The following SNRPN variants were observed in gnomAD, a reference collection of about 807,000 sequenced individuals.
The protein encoded by SNRPN is small nuclear ribonucleoprotein polypeptide N.
SNRPN carries 7 observed loss-of-function variants against 25.2 expected under a neutral mutation model. The ratio of observed to expected loss-of-function variants is 0.28; its 90% confidence interval spans 0.16 to 0.52. The LOEUF is 0.52. Among genes scored for constraint, SNRPN ranks in the 20% least tolerant of loss-of-function variants. The pLI, the probability that SNRPN is intolerant of heterozygous loss-of-function variation, is 0.96. For synonymous variants in SNRPN, 124 were observed against 110.6 expected (o/e 1.12, Z -0.76); for missense variants, 196 against 322.5 (o/e 0.61, Z 3.00).
intron 2 of SNRPN, among the ~76,000 whole-genome samples, chr15:24,916,577 A>AATACATATAC (rs1353621481): frequency 6.6e-6 from 1 of 152,186 alleles, no homozygotes; most frequent in Non-Finnish European, 1.5e-5. Flanking sequence ...AGAAGAAAAA[A>AATACATATAC]ATACATATAC....
chr15:24,886,172 T>A (rs2057189681), intron 1 of SNRPN, among the ~76,000 whole-genome samples: 1 of 152,182 alleles, frequency 6.6e-6, no homozygotes, highest in Non-Finnish European at 1.5e-5. Flanking sequence ...AGACATCTGA[T>A]CACCTTCTAT....
chr15:24,862,494 A>G (rs1430363972), intron 1 of SNRPN, among the ~76,000 whole-genome samples: 1 of 151,024 alleles, frequency 6.6e-6, no homozygotes, highest in African/African-American at 2.5e-5. Flanking sequence ...TGTCTAGGGA[A>G]GTAGGCAAGC....
intron 3 of SNRPN, among the ~76,000 whole-genome samples, chr15:24,942,941 T>C (rs2061644964): frequency 6.6e-6 from 1 of 152,110 alleles, no homozygotes. Context: ...AGCCTGACTG[T>C]ACATATGAAA....
At chr15:24,958,131 T>G (rs2063217343) in intron 1 of SNRPN, among the ~76,000 whole-genome samples, 1 of 152,220 alleles carries the variant, frequency 6.6e-6, no homozygotes, top group South Asian at 2.1e-4. Context: ...GCCGAAATGT[T>G]TTCCACATTT....
chr15:24,970,963 C>T (rs765268028), intron 3 of SNRPN, among the ~76,000 whole-genome samples: 1 of 152,166 alleles, frequency 6.6e-6, no homozygotes, highest in East Asian at 1.9e-4. Flanking sequence ...TGGAGACCCT[C>T]TATAATTTTA....
At chr15:24,848,569 A>G (rs554766591) in intron 2 of SNRPN, 9 of 152,306 alleles carry the variant, frequency 5.9e-5, no homozygotes, top group Non-Finnish European at 1.0e-4. Flanking sequence ...TTATATAAAC[A>G]TTGCAAGAAC....
chr15:24,868,494 C>T (rs2054802101), intron 1 of SNRPN, among the ~76,000 whole-genome samples: 1 of 152,150 alleles, frequency 6.6e-6, no homozygotes, highest in Non-Finnish European at 1.5e-5. Context: ...ATGTGATGTA[C>T]CTTCAGCTGT....
chr15:24,901,665 A>G (rs1441331786), intron 2 of SNRPN, among the ~76,000 whole-genome samples: 1 of 152,228 alleles, frequency 6.6e-6, no homozygotes, highest in African/African-American at 2.4e-5. Flanking sequence ...GTGAGTGGGC[A>G]TATTTGCAAA....
intron 2 of SNRPN, among the ~76,000 whole-genome samples, chr15:24,900,692 G>A (rs1000351603): frequency 6.6e-6 from 1 of 152,074 alleles, no homozygotes; most frequent in Non-Finnish European, 1.5e-5. Context: ...GACATATATT[G>A]GAAGAAACCT....
intron 1 of SNRPN, among the ~76,000 whole-genome samples, chr15:24,882,330 A>G (rs577265420): frequency 2.0e-5 from 3 of 152,054 alleles, no homozygotes; most frequent in South Asian, 2.1e-4. Context: ...AAAAGGGAAG[A>G]AAAAAAACTA....
intron 3 of SNRPN, among the ~76,000 whole-genome samples, chr15:24,949,136 C>T (rs998638386): frequency 6.7e-6 from 1 of 150,146 alleles, no homozygotes; most frequent in Non-Finnish European, 1.5e-5. Flanking sequence ...ATCCTCCTGC[C>T]TCAGCCTCCT....
chr15:24,886,528 A>G (rs1296824813), exon 2 of SNRPN: 1 of 152,220 alleles, frequency 6.6e-6, no homozygotes, highest in Non-Finnish European at 1.5e-5. Context: ...ACTTTGACGA[A>G]GGTAATTGGG....
intron 2 of SNRPN, among the ~76,000 whole-genome samples, chr15:24,900,144 T>G (rs1324277330): frequency 6.6e-6 from 1 of 152,188 alleles, no homozygotes. Context: ...GCAGTCAAGA[T>G]AACTGTAAGG....
intron 6 of SNRPN, 132 bp from the exon 7 acceptor site, chr15:24,976,745 G>C (rs1390869293): frequency 5.0e-6 from 4 of 800,458 alleles, no homozygotes; most frequent in Non-Finnish European, 8.2e-6. Context: ...TTGCTTGTTT[G>C]TTCATTTGGA....
intron 1 of SNRPN, among the ~76,000 whole-genome samples, chr15:24,864,339 CTTTTTTTTTTTTTT>C (rs58622804): frequency 8.5e-6 from 1 of 117,276 alleles, no homozygotes; most frequent in African/African-American, 3.3e-5. Flanking sequence ...CTCTTCTTTT[CTTTTTTTTTTTTTT>C]TTTTTTTTTG....
At position 24,978,464 on chromosome 15, in the gene SNRPN, A is replaced by T. The variant is rs747036997; in HGVS notation, c.*20A>T. On this transcript the variant is annotated 3_prime_UTR_variant, in exon 10 of 10. Coordinates refer to ENST00000390687, the MANE Select transcript of SNRPN (RefSeq NM_003097.6). Reference sequence around the variant, plus strand: ...CCTTAGCATACTGTTGATCCATCTCAGTCACTTTTTCCCCTGCAATGCGTC... The same window carrying T: ...CCTTAGCATACTGTTGATCCATCTCTGTCACTTTTTCCCCTGCAATGCGTC... 33 of 1,610,678 alleles carry T rather than the reference A, an allele frequency of 2.0e-5. No individual in the cohort carries two copies. The highest frequency in any genetic ancestry group is 2.5e-5 in the Non-Finnish European group (29 of 1,177,948).
intron 1 of SNRPN, among the ~76,000 whole-genome samples, chr15:24,881,118 T>C (rs1376398931): frequency 6.6e-6 from 1 of 152,086 alleles, no homozygotes; most frequent in African/African-American, 2.4e-5. Context: ...GCATGGAAGA[T>C]AGGCAGGTGT....
intron 3 of SNRPN, among the ~76,000 whole-genome samples, chr15:24,947,524 G>C (rs994095027): frequency 1.3e-5 from 2 of 152,192 alleles, no homozygotes; most frequent in Admixed American, 6.5e-5. Flanking sequence ...AGCTGCTTGG[G>C]AGGCTGAGGT....
chr15:24,894,107 CAT>C (rs2057890833), intron 2 of SNRPN, among the ~76,000 whole-genome samples: 2 of 152,186 alleles, frequency 1.3e-5, no homozygotes, highest in Admixed American at 6.5e-5. Context: ...TTGCAACCCA[CAT>C]GTCTGTCCAG....
Sources: allele counts gnomAD v4.1 joint callset (sites outside exome capture counted in the v4.1 genomes callset), GRCh38; gene constraint gnomAD v4.1.1; transcripts MANE v1.5; gene names NCBI Gene and HGNC (gene_info 2026-07-23, HGNC 2026-07-21).